The following DHCR7 variants were observed in gnomAD, a reference collection of about 807,000 sequenced individuals.
The protein encoded by DHCR7 is 7-dehydrocholesterol reductase.
In DHCR7, 40 loss-of-function variants were observed where a neutral mutation model predicts 43.3. That is an observed-to-expected ratio of 0.92 (90% CI 0.72 to 1.20). The LOEUF (loss-of-function observed/expected upper bound fraction) is 1.20, where lower values mean the gene tolerates loss of function less well. Among genes scored for constraint, DHCR7 ranks in the 50% most tolerant of loss-of-function variants. DHCR7 has a pLI of 0.00. For synonymous variants in DHCR7, 298 were observed against 271.4 expected, an observed-to-expected ratio of 1.10 and a Z score of -0.96; for missense variants, 608 against 644.6, an observed-to-expected ratio of 0.94 and a Z score of 0.62.
rs372886043 is a variant in DHCR7 at position 71,444,220 on chromosome 11, G to A, written c.99-5C>T. ...AGTGAAAACCAGTCCACCTCCCTGCGAGGACGGATGCAGGCAGTCACACTG... is the reference window on the plus strand; with the variant it reads ...AGTGAAAACCAGTCCACCTCCCTGCAAGGACGGATGCAGGCAGTCACACTG... On this transcript the variant is annotated splice_polypyrimidine_tract_variant and splice_region_variant and intron_variant, in intron 3 of 8. Transcript: ENST00000355527. 523 of 1,572,790 alleles carry A rather than the reference G, an allele frequency of 3.3e-4. No homozygotes were observed. The highest frequency in any genetic ancestry group is 4.2e-4 in the Non-Finnish European group (490 of 1,157,894).
At chr11:71,448,208 TG>T (rs1178387397) in intron 1 of DHCR7, 81 bp downstream of exon 1, 2 of 150,926 alleles carry the variant, frequency 1.3e-5, no homozygotes, top group Non-Finnish European at 2.9e-5. Context: ...GCCCTGTGAG[TG>T]GGCACCTGCT....
chr11:71,440,658 G>A (rs1213745909), intron 6 of DHCR7, among the ~76,000 whole-genome samples: 1 of 148,896 alleles, frequency 6.7e-6, no homozygotes, highest in Non-Finnish European at 1.5e-5. Flanking sequence ...TTGGTGGGTG[G>A]GTGAATGGGA....
rs1313621076 is a variant in DHCR7 at position 71,435,497 on chromosome 11, T to C, written c.1306A>G (p.Met436Val). ...HLLPYFYIIY[M>V]AILLTHRCLR... ...CAGCGGTGGGTCAGCAGGATGGCCA[T>C]GTAGATGATGTAGAAGTAGGGCAGC... The change falls in exon 9 of 9, where the codon ATG becomes GTG. Residue 436 changes from methionine (M) to valine (V), a missense_variant. Coordinates refer to ENST00000355527, the MANE Select transcript of DHCR7 (RefSeq NM_001360.3). The C allele has an allele frequency of 1.2e-6, 2 of 1,611,908 alleles. No homozygotes were observed. The highest frequency in any genetic ancestry group is 2.2e-5 in the East Asian group (1 of 44,868).
downstream of DHCR7, among the ~76,000 whole-genome samples, chr11:71,433,517 C>T (rs2135937999): frequency 6.6e-6 from 1 of 152,342 alleles, no homozygotes; most frequent in Admixed American, 6.5e-5. Flanking sequence ...GAACCAAGAG[C>T]TCTCCCAGCA....
exon 3 of DHCR7, chr11:71,428,342 G>C (rs573541286): frequency 6.6e-6 from 1 of 152,364 alleles, no homozygotes; most frequent in Admixed American, 6.5e-5. Flanking sequence ...TTATGAATTA[G>C]TGTCCTTTTT....
intron 4 of DHCR7, 22 bp downstream of exon 4, chr11:71,443,971 C>A: frequency 6.3e-7 from 1 of 1,598,134 alleles, no homozygotes; most frequent in Non-Finnish European, 8.5e-7. Context: ...TGTGTCCCAA[C>A]CCCAGGGCAG....
intron 8 of DHCR7, 127 bp downstream of exon 8, chr11:71,437,685 G>A: frequency 2.9e-6 from 4 of 1,386,124 alleles, no homozygotes; most frequent in Non-Finnish European, 4.0e-6. Context: ...TAATACACGA[G>A]GCCTTCCCTT....
chr11:71,429,137 G>A (rs1266326062), intron 2 of DHCR7, among the ~76,000 whole-genome samples: 1 of 152,186 alleles, frequency 6.6e-6, no homozygotes, highest in Non-Finnish European at 1.5e-5. Context: ...CTGGCTGTGG[G>A]GATTTGCATC....
Position 71,448,340 on chromosome 11 carries a change from T to G in DHCR7, c.-182A>C, listed in dbSNP as rs1949427247. ...GCGCCCACCTTCCCCTGGCCTCGCT[T>G]GCGCGCGCTGCTCCACGCCGCCTAC... is the stretch of plus-strand genomic sequence containing the variant. On this transcript the variant is annotated 5_prime_UTR_variant, in exon 1 of 9. Coordinates refer to ENST00000355527, the MANE Select transcript of DHCR7 (RefSeq NM_001360.3). 6.5e-6 allele frequency: 1 copy of G among 153,786 alleles called. No individual in the cohort carries two copies. 9.5% of individuals were successfully genotyped at this position (153,786 alleles called of 1,614,324 possible). A position where few individuals can be genotyped will look rare whatever the true frequency, so the allele number is the denominator to read the frequency against.
intron 2 of DHCR7, among the ~76,000 whole-genome samples, chr11:71,446,145 A>C (rs1417211434): frequency 6.6e-6 from 1 of 152,180 alleles, no homozygotes; most frequent in Non-Finnish European, 1.5e-5. Context: ...AGAGGAAATG[A>C]AAATGATGAA....
rs1187514697 is a variant in DHCR7, at chr11:71,445,009, C to T, written c.-6-51G>A. 4.6e-6 allele frequency: 7 copies of T among 1,521,756 alleles called. No individual in the cohort carries two copies. In the African/African-American group the frequency reaches 8.2e-5, roughly 18 times the overall value. 94.3% of individuals were successfully genotyped at this position (1,521,756 alleles called of 1,614,324 possible). A position where few individuals can be genotyped will look rare whatever the true frequency, so the allele number is the denominator to read the frequency against. ...ATTATCCCTCAAATAACAGACACCA[C>T]CTTTCCCTGTTGCATCCACCACTGC... is the stretch of plus-strand genomic sequence containing the variant. On this transcript the variant is annotated intron_variant, in intron 2 of 8. Transcript: ENST00000355527.
chr11:71,444,327 T>G, intron 3 of DHCR7, 112 bp from the exon 4 acceptor site: 1 of 876,656 alleles, frequency 1.1e-6, no homozygotes, highest in Non-Finnish European at 1.9e-6. Context: ...CAGTACCCCA[T>G]GACAGAAGGC....
chr11:71,438,478 C>T (rs1377087066), intron 7 of DHCR7, among the ~76,000 whole-genome samples: 4 of 152,166 alleles, frequency 2.6e-5, no homozygotes, highest in Admixed American at 1.3e-4. Context: ...CTCCTGAACG[C>T]TCTCTGGTCA....
Position 71,435,303 on chromosome 11 carries a change from G to C in DHCR7, c.*72C>G. 1 of 1,510,712 alleles carries C rather than the reference G, an allele frequency of 6.6e-7. No individual in the cohort carries two copies. Among genetic ancestry groups the C allele is most frequent in the Middle Eastern group, 1.7e-4 (1 of 5,884 alleles). The allele number at this position is 1,510,712 out of a possible 1,614,324, so 93.6% of individuals were successfully genotyped here. ...CTGAGGCTCCTCGAGTTGGAGCTGG[G>C]ATGCCAGCCCCCATGGACCTGGCAG... is the stretch of plus-strand genomic sequence containing the variant. On this transcript the variant is annotated 3_prime_UTR_variant, in exon 9 of 9. Coordinates refer to ENST00000355527, the MANE Select transcript of DHCR7 (RefSeq NM_001360.3).
chr11:71,446,852 G>C (rs1949410099), intron 2 of DHCR7, among the ~76,000 whole-genome samples: 1 of 152,212 alleles, frequency 6.6e-6, no homozygotes, highest in South Asian at 2.1e-4. Flanking sequence ...AGCCTGGCGA[G>C]TGCCAGTCAC....
chr11:71,435,009 C>T lies in DHCR7; in HGVS notation c.*366G>A. ...GAGTAAATGCAGCCTAATGACAGGG[C>T]GTGGGAAGACCTCCTGCTCACCAGT... is the stretch of plus-strand genomic sequence containing the variant. On this transcript the variant is annotated 3_prime_UTR_variant, in exon 9 of 9. Transcript: ENST00000355527. 4.3e-6 allele frequency: 2 copies of T among 466,544 alleles called. No individual in the cohort carries two copies. Among genetic ancestry groups the T allele is most frequent in the East Asian group, 5.7e-5 (1 of 17,632 alleles). 28.9% of individuals were successfully genotyped at this position (466,544 alleles called of 1,614,324 possible).
rs144512551 is a variant in DHCR7, at chr11:71,444,106, C to T, written c.208G>A (p.Gly70Ser). 353 of 1,612,838 alleles carry T rather than the reference C, an allele frequency of 2.2e-4. 2 individuals are homozygous for T. The African/African-American group carries it at 3.6e-3, about 17-fold the overall frequency. The change falls in exon 4 of 9, where the codon GGC becomes AGC. Residue 70 changes from glycine (G) to serine (S), a missense_variant. Physicochemically the swap from Gly to Ser is moderately conservative, Grantham distance 56. Coordinates refer to ENST00000355527, the MANE Select transcript of DHCR7 (RefSeq NM_001360.3). Reference protein sequence around the residue: ...ACDQYSCALTGPVVDIVTGHA... With the variant: ...ACDQYSCALTSPVVDIVTGHA... ...CCGGTGACGATGTCCACCACAGGGC[C>T]AGTCAGGGCGCAGCTGTACTGGTCA...
chr11:71,435,774 C>T lies in DHCR7; in HGVS notation c.1029G>A (p.Leu343=). 1 of 1,609,320 alleles carries T rather than the reference C, an allele frequency of 6.2e-7. No homozygotes were observed. Among genetic ancestry groups the T allele is most frequent in the African/African-American group, 1.3e-5 (1 of 74,998 alleles). Residue 343 remains leucine (L), a synonymous_variant, in exon 9 of 9, where the codon CTG becomes CTA. Coordinates refer to ENST00000355527, the MANE Select transcript of DHCR7 (RefSeq NM_001360.3). The stretch of plus-strand genomic sequence containing the variant: ...GGAAGATGTAGTAGCCCACCAGGCC[C>T]AGCAGCAGGACGCCCACGGCGTGCG... ...STPHAVGVLL[L]GLVGYYIFRV... is the part of the protein sequence containing the mutation.
intron 2 of DHCR7, 138 bp downstream of exon 2, chr11:71,447,472 C>T (rs939124773): frequency 1.3e-5 from 2 of 152,132 alleles, no homozygotes; most frequent in African/African-American, 4.8e-5. Context: ...GGGGAGGTGC[C>T]CTGGTATGTT....
Sources: gnomAD v4.1 joint callset for allele counts (sites outside exome capture counted in the v4.1 genomes callset) on GRCh38, gnomAD v4.1.1 for gene constraint, MANE v1.5 for transcripts, NCBI Gene and HGNC (gene_info 2026-07-23, HGNC 2026-07-21) for gene names.